Variants in MSRA observed in about 807,000 individuals in gnomAD.
MSRA encodes mitochondrial peptide methionine sulfoxide reductase.
MSRA carries 54 observed loss-of-function variants against 31.3 expected under a neutral mutation model. The ratio of observed to expected loss-of-function variants is 1.73; its 90% CI spans 1.39 to 2.17. MSRA has a LOEUF of 2.17. Ranked by LOEUF, MSRA falls within the 30% of genes most tolerant of loss-of-function variation. MSRA has a pLI of 0.00. For missense variants in MSRA, 507 were observed against 300.9 expected (o/e 1.69, Z -5.07); for synonymous variants, 169 against 116.5 (o/e 1.45, Z -2.90).
intron 5 of MSRA, among the ~76,000 whole-genome samples, chr8:10,396,455 T>C (rs991457065): frequency 1.3e-5 from 2 of 152,224 alleles, no homozygotes; most frequent in Non-Finnish European, 2.9e-5. Flanking sequence ...AGAAATGTTA[T>C]GGCAAAAATG....
At chr8:10,077,824 G>T (rs1017572496) in intron 1 of MSRA, among the ~76,000 whole-genome samples, 1 of 152,124 alleles carries the variant, frequency 6.6e-6, no homozygotes, top group Non-Finnish European at 1.5e-5. Flanking sequence ...GGAGGAGACT[G>T]TTGGTGTCCA....
chr8:10,249,048 C>T (rs931079684), intron 3 of MSRA, among the ~76,000 whole-genome samples: 1 of 152,064 alleles, frequency 6.6e-6, no homozygotes, highest in Non-Finnish European at 1.5e-5. Flanking sequence ...GCTAGAACAG[C>T]CTGGGAGAGG....
intron 1 of MSRA, among the ~76,000 whole-genome samples, chr8:10,060,135 A>C (rs746845539): frequency 2.0e-5 from 3 of 152,236 alleles, no homozygotes; most frequent in Non-Finnish European, 4.4e-5. Flanking sequence ...CATAACTGCT[A>C]TGCATGCCAA....
intron 1 of MSRA, among the ~76,000 whole-genome samples, chr8:10,101,120 C>T (rs1799502859): frequency 6.6e-6 from 1 of 152,106 alleles, no homozygotes; most frequent in Non-Finnish European, 1.5e-5. Context: ...AGATAATGTT[C>T]CTCAGCATCT....
At chr8:10,355,250 T>G (rs1421357694) in intron 5 of MSRA, among the ~76,000 whole-genome samples, 1 of 152,150 alleles carries the variant, frequency 6.6e-6, no homozygotes, top group Non-Finnish European at 1.5e-5. Context: ...GTGCTGAGTA[T>G]TGTTTCATGT....
In MSRA at chr8:10,061,501, T is replaced by C. The variant is rs610947; in HGVS notation, c.142+6843T>C. ...TCCTTTCTATGGCATCTTGCGTTGC[T>C]AATTAGATGTCTTATTGCACGGAAC... On this transcript the variant is annotated intron_variant, in intron 1 of 5. Transcript: ENST00000317173. Among the ~76,000 whole-genome samples the C allele has an allele frequency of 7.0e-3, 1,059 of 152,296 alleles. 4 individuals are homozygous for C. The highest frequency in any genetic ancestry group is 0.024 in the African/African-American group (989 of 41,562).
At chr8:10,361,850 A>G (rs1804865968) in intron 5 of MSRA, among the ~76,000 whole-genome samples, 1 of 152,200 alleles carries the variant, frequency 6.6e-6, no homozygotes, top group Non-Finnish European at 1.5e-5. Flanking sequence ...ACTTTTTGAC[A>G]TCGTACTGTC....
intron 1 of MSRA, among the ~76,000 whole-genome samples, chr8:10,189,797 C>G (rs1040974532): frequency 2.6e-5 from 4 of 152,038 alleles, no homozygotes; most frequent in African/African-American, 9.7e-5. Flanking sequence ...TTTCTTGTGT[C>G]TTTGTCTGGT....
chr8:10,182,847 G>T (rs985449154), intron 1 of MSRA, among the ~76,000 whole-genome samples: 2 of 152,118 alleles, frequency 1.3e-5, no homozygotes, highest in Non-Finnish European at 2.9e-5. Context: ...TCACATAAGC[G>T]GCTGTCCTCA....
At chr8:10,280,439 T>G (rs1220921311) in intron 3 of MSRA, among the ~76,000 whole-genome samples, 1 of 152,224 alleles carries the variant, frequency 6.6e-6, no homozygotes, top group Non-Finnish European at 1.5e-5. Context: ...TAATTCATTT[T>G]AAAGATTTTA....
chr8:10,185,309 G>A (rs761621151), intron 1 of MSRA, among the ~76,000 whole-genome samples: 1 of 152,170 alleles, frequency 6.6e-6, no homozygotes, highest in African/African-American at 2.4e-5. Flanking sequence ...ATCTCATTTA[G>A]TTCTCCCTCA....
intron 5 of MSRA, among the ~76,000 whole-genome samples, chr8:10,388,705 A>G (rs1041255509): frequency 1.3e-5 from 2 of 152,136 alleles, no homozygotes; most frequent in African/African-American, 2.4e-5. Context: ...AGCTAATATC[A>G]TATTTAATGA....
At position 10,109,676 on chromosome 8, in the gene MSRA, T is replaced by C. The variant is rs1186436969; in HGVS notation, c.142+55018T>C. On this transcript the variant is annotated intron_variant, in intron 1 of 5. Coordinates refer to ENST00000317173, the MANE Select transcript of MSRA (RefSeq NM_012331.5). ...ATGATGTATTTTTAGCATTGGAATT[T>C]AAGTGTTTTGAAACTATATCACACT... is the stretch of plus-strand genomic sequence containing the variant. Among the ~76,000 whole-genome samples the C allele has an allele frequency of 3.3e-5, 5 of 152,224 alleles. No individual in the cohort carries two copies. In the South Asian group the frequency reaches 1.0e-3, roughly 32 times the overall value.
chr8:10,056,727 C>T (rs907206062), intron 1 of MSRA, among the ~76,000 whole-genome samples: 3 of 152,154 alleles, frequency 2.0e-5, no homozygotes, highest in African/African-American at 7.2e-5. Flanking sequence ...GTTTCAGTAG[C>T]TGTAAACTTG....
chr8:10,312,821 A>C (rs981456465), intron 4 of MSRA, among the ~76,000 whole-genome samples: 1 of 152,254 alleles, frequency 6.6e-6, no homozygotes, highest in African/African-American at 2.4e-5. Flanking sequence ...ATAGATGCTT[A>C]AAAAGTACTG....
At chr8:10,397,283 A>G (rs1455825597) in intron 5 of MSRA, among the ~76,000 whole-genome samples, 1 of 152,194 alleles carries the variant, frequency 6.6e-6, no homozygotes, top group Non-Finnish European at 1.5e-5. Flanking sequence ...CTCCCTTTGA[A>G]TCATACCCCT....
At chr8:10,082,709 C>G (rs1798356463) in intron 1 of MSRA, among the ~76,000 whole-genome samples, 2 of 152,174 alleles carry the variant, frequency 1.3e-5, no homozygotes, top group Admixed American at 1.3e-4. Context: ...TGAGGGGTCC[C>G]TCTCTGTGAT....
intron 2 of MSRA, among the ~76,000 whole-genome samples, chr8:10,215,028 G>A (rs886316371): frequency 6.6e-6 from 1 of 152,192 alleles, no homozygotes; most frequent in East Asian, 1.9e-4. Context: ...GAGTCACAGA[G>A]GAGGGTGGGT....
chr8:10,236,173 T>A (rs1477694297), intron 2 of MSRA, among the ~76,000 whole-genome samples: 1 of 152,198 alleles, frequency 6.6e-6, no homozygotes, highest in Non-Finnish European at 1.5e-5. Context: ...ATCTCATATT[T>A]ATTGGATCCT....
Sources: gnomAD v4.1 joint callset for allele counts (sites outside exome capture counted in the v4.1 genomes callset) on GRCh38, gnomAD v4.1.1 for gene constraint, MANE v1.5 for transcripts, NCBI Gene and HGNC (gene_info 2026-07-23, HGNC 2026-07-21) for gene names.